The following ACOT1 variants were observed in gnomAD, a reference collection of about 807,000 sequenced individuals.
The protein encoded by ACOT1 is acyl-CoA thioesterase 1.
In ACOT1, 8 loss-of-function variants were observed where a neutral mutation model predicts 15.7. That is an observed-to-expected ratio of 0.51 (90% confidence interval 0.30 to 0.92). The LOEUF is 0.92. Ranked by LOEUF, ACOT1 falls within the 40% of genes least tolerant of loss-of-function variation. ACOT1 has a pLI of 0.06. For missense variants in ACOT1, 151 were observed against 539.4 expected (o/e 0.28, Z 7.13); for synonymous variants, 67 against 241.2 (o/e 0.28, Z 6.69).
the ACOT1 span, chr14:73,518,902 A>G: frequency 1.8e-3 from 1,657 of 905,900 alleles, 6 homozygotes; most frequent in South Asian, 5.5e-3. Flanking sequence ...GGGATTGCCT[A>G]GATGCTAATG....
chr14:73,526,547 G>A, the ACOT1 span, among the ~76,000 whole-genome samples: 1 of 151,892 alleles, frequency 6.6e-6, no homozygotes, highest in Admixed American at 6.6e-5. Flanking sequence ...AAAGGAGAGG[G>A]AAGAGTACTC....
At chr14:73,508,320 T>G in the ACOT1 span, 5 of 1,610,824 alleles carry the variant, frequency 3.1e-6, no homozygotes, top group Admixed American at 5.0e-5. Context: ...GAAAAAGAGT[T>G]CAGAATGGTG....
At chr14:73,506,459 A>T in the ACOT1 span, 1 of 1,607,718 alleles carries the variant, frequency 6.2e-7, no homozygotes, top group Non-Finnish European at 8.5e-7. Context: ...GCAAAGAAAG[A>T]GGTTTACCAA....
the ACOT1 span, chr14:73,509,441 G>T: frequency 6.2e-7 from 1 of 1,614,096 alleles, no homozygotes; most frequent in Non-Finnish European, 8.5e-7. Flanking sequence ...AGGGCAGGCA[G>T]TAGAACCTCC....
At chr14:73,500,730 C>G in the ACOT1 span, 1 of 1,612,020 alleles carries the variant, frequency 6.2e-7, no homozygotes, top group South Asian at 1.1e-5. Context: ...CTAGCTTGAC[C>G]CTGTAAGGCA....
At chr14:73,512,092 T>A in the ACOT1 span, 2 of 1,614,190 alleles carry the variant, frequency 1.2e-6, no homozygotes, top group Non-Finnish European at 1.7e-6. Flanking sequence ...AACGTCATCA[T>A]GCAGGTCTCC....
chr14:73,506,042 C>T, the ACOT1 span, among the ~76,000 whole-genome samples: 2 of 151,956 alleles, frequency 1.3e-5, no homozygotes, highest in African/African-American at 4.8e-5. Context: ...AGGCGCGTGC[C>T]ACCACACTCT....
At chr14:73,519,793 G>A in the ACOT1 span, among the ~76,000 whole-genome samples, 11 of 152,218 alleles carry the variant, frequency 7.2e-5, no homozygotes, top group South Asian at 8.3e-4. Context: ...TAAGGAGGGC[G>A]GATCACAAGG....
chr14:73,495,504 G>C, the ACOT1 span: 2 of 806,566 alleles, frequency 2.5e-6, no homozygotes, highest in African/African-American at 1.7e-5. Context: ...GATCACTTGA[G>C]CCCAACAGTT....
chr14:73,519,039 C>A, the ACOT1 span: 5 of 1,613,292 alleles, frequency 3.1e-6, no homozygotes, highest in Middle Eastern at 1.7e-4. Context: ...CAGGAATTGC[C>A]TGGGCACTCC....
At chr14:73,538,338 G>A (rs114234948) in intron 1 of ACOT1, among the ~76,000 whole-genome samples, 1 of 114,526 alleles carries the variant, frequency 8.7e-6, no homozygotes, top group African/African-American at 2.8e-5. Context: ...TAAGGGCTGG[G>A]CGCGCTGGCT....
At chr14:73,520,207 G>C in the ACOT1 span, 1 of 152,220 alleles carries the variant, frequency 6.6e-6, no homozygotes. Flanking sequence ...CGAAGACCTA[G>C]ATTGAGTATC....
Position 73,541,344 on chromosome 14 carries a change from G to A in ACOT1, c.458-149G>A, listed in dbSNP as rs540209126. 1.5e-5 allele frequency: 11 copies of A among 710,690 alleles called. 2 individuals carry two copies. The highest frequency in any genetic ancestry group is 3.2e-5 in the Admixed American group (1 of 31,670). The allele number at this position is 710,690 out of a possible 1,614,324, so 44.0% of individuals were successfully genotyped here. A position where few individuals can be genotyped will look rare whatever the true frequency, so the allele number is the denominator to read the frequency against. ...AAACACTTGCCAGAAGTTTCTGGAC[G>A]AACACAGGTTTTCATTTCTCGTGGG... On this transcript the variant is annotated intron_variant, in intron 1 of 2. Transcript: ENST00000311148.
chr14:73,502,541 A>C, the ACOT1 span, among the ~76,000 whole-genome samples: 1 of 149,880 alleles, frequency 6.7e-6, no homozygotes, highest in Admixed American at 6.7e-5. Flanking sequence ...GCTGGATCCC[A>C]GGCCTCCTAA....
the ACOT1 span, among the ~76,000 whole-genome samples, chr14:73,513,728 CAAAAA>C: frequency 0.024 from 1,142 of 46,636 alleles, 21 homozygotes; most frequent in African/African-American, 0.083. Context: ...ACTACGTCTC[CAAAAA>C]AAAAAAAAAA....
At chr14:73,513,746 AAAAAAAAAAAAT>A in the ACOT1 span, among the ~76,000 whole-genome samples, 29 of 149,696 alleles carry the variant, frequency 1.9e-4, no homozygotes, top group South Asian at 5.7e-3. Context: ...AAAAAAAAAA[AAAAAAAAAAAAT>A]GGTCTCTGCC....
chr14:73,499,191 C>A, the ACOT1 span: 1 of 1,517,132 alleles, frequency 6.6e-7, no homozygotes, highest in Non-Finnish European at 9.2e-7. Context: ...CAAGAATGAA[C>A]CAGAAACAGC....
the ACOT1 span, among the ~76,000 whole-genome samples, chr14:73,497,374 T>C: frequency 2.0e-5 from 3 of 152,112 alleles, no homozygotes; most frequent in Non-Finnish European, 4.4e-5. Flanking sequence ...ATAGGTACCA[T>C]TTACTGAACA....
At chr14:73,506,804 G>GTTT in the ACOT1 span, among the ~76,000 whole-genome samples, 100 of 80,488 alleles carry the variant, frequency 1.2e-3, 14 homozygotes, top group South Asian at 4.3e-3. Context: ...GACTTTAACT[G>GTTT]TTTTTTTTTT....
Sources: gnomAD v4.1 joint callset for allele counts (sites outside exome capture counted in the v4.1 genomes callset) on GRCh38, gnomAD v4.1.1 for gene constraint, MANE v1.5 for transcripts, NCBI Gene and HGNC (gene_info 2026-07-23, HGNC 2026-07-21) for gene names.